The following UMAD1 variants were observed in gnomAD, a reference collection of about 807,000 sequenced individuals.
UMAD1 encodes the protein UBAP1-MVB12-associated (UMA)-domain containing protein 1.
UMAD1 carries 8 observed loss-of-function variants against 6.1 expected under a neutral mutation model. That is an observed-to-expected ratio of 1.30 (90% CI 0.76 to 2.35). The LOEUF (loss-of-function observed/expected upper bound fraction) is 2.35. Among genes scored for constraint, UMAD1 ranks in the 30% most tolerant of loss-of-function variants. The pLI is 0.00. For synonymous variants in UMAD1, 56 were observed against 31.4 expected, an observed-to-expected ratio of 1.78 and a Z score of -2.61; for missense variants, 130 against 78.4, an observed-to-expected ratio of 1.66 and a Z score of -2.49.
chr7:7,860,307 GT>G (rs1237448791), intron 3 of UMAD1, among the ~76,000 whole-genome samples: 1 of 152,032 alleles, frequency 6.6e-6, no homozygotes, highest in Non-Finnish European at 1.5e-5. Context: ...ACCCAAATAA[GT>G]TTATAATTCA....
At chr7:7,643,435 G>T (rs924185757) in intron 1 of UMAD1, among the ~76,000 whole-genome samples, 11 of 152,246 alleles carry the variant, frequency 7.2e-5, no homozygotes, top group Admixed American at 6.5e-5. Flanking sequence ...TCAGGGCCGG[G>T]CGCGGTGGCT....
intron 3 of UMAD1, among the ~76,000 whole-genome samples, chr7:7,867,136 G>C (rs1043644632): frequency 4.6e-5 from 7 of 152,148 alleles, no homozygotes; most frequent in Non-Finnish European, 7.4e-5. Flanking sequence ...TTTGAGGTAA[G>C]GTTAAGGTAA....
chr7:7,838,142 C>T lies in UMAD1; in HGVS notation c.156+36399C>T, dbSNP rs113613163. On this transcript the variant is annotated intron_variant, in intron 3 of 3. Coordinates refer to ENST00000682710, the MANE Select transcript of UMAD1 (RefSeq NM_001302348.2). ...TTGATTTATTGAATAAACCAGGGAT[C>T]AGCAAACATTTTCTGAAAGAGAGGC... Among the ~76,000 whole-genome samples the T allele has an allele frequency of 1.3e-4, 20 of 151,578 alleles. 2 individuals are homozygous for T. The highest frequency in any genetic ancestry group is 4.6e-4 in the African/African-American group (19 of 41,016).
At chr7:7,665,167 C>T (rs923228711) in intron 1 of UMAD1, among the ~76,000 whole-genome samples, 8 of 151,988 alleles carry the variant, frequency 5.3e-5, no homozygotes, top group African/African-American at 1.9e-4. Context: ...TTGAGAAAAC[C>T]ATGTTGCCTA....
At chr7:7,820,111 A>G (rs370475634) in intron 3 of UMAD1, among the ~76,000 whole-genome samples, 2 of 152,194 alleles carry the variant, frequency 1.3e-5, no homozygotes, top group East Asian at 3.8e-4. Context: ...AATTAACCAA[A>G]TGAATCAGTT....
chr7:7,827,122 G>GAT (rs112036833), intron 3 of UMAD1, among the ~76,000 whole-genome samples: 3,345 of 140,214 alleles, frequency 0.024, 51 homozygotes, highest in Middle Eastern at 0.039. Flanking sequence ...CACAGTCCAG[G>GAT]ATATATATAT....
At chr7:7,797,876 A>G (rs1008695862) in intron 2 of UMAD1, among the ~76,000 whole-genome samples, 1 of 151,996 alleles carries the variant, frequency 6.6e-6, no homozygotes, top group African/African-American at 2.4e-5. Context: ...TTTGTTAGAG[A>G]TGGTTTCACC....
rs142198907 is a variant in UMAD1 at position 7,699,226 on chromosome 7, A to G, written c.82+25773A>G. Among the ~76,000 whole-genome samples, 755 of 152,218 alleles carry G rather than the reference A, an allele frequency of 5.0e-3. 7 individuals carry two copies. Among genetic ancestry groups the G allele is most frequent in the African/African-American group, 0.017 (720 of 41,538 alleles). ...TGCCAGAACAGAATTCTGAGAATGCATTTGTGTTTTTCCTTCTTATCAGAC... is the reference window on the plus strand; with the variant it reads ...TGCCAGAACAGAATTCTGAGAATGCGTTTGTGTTTTTCCTTCTTATCAGAC... On this transcript the variant is annotated intron_variant, in intron 2 of 3. Coordinates refer to ENST00000682710, the MANE Select transcript of UMAD1 (RefSeq NM_001302348.2).
rs544198311 is a variant in UMAD1 at position 7,831,088 on chromosome 7, T to C, written c.156+29345T>C. 2.0e-5 allele frequency among the ~76,000 whole-genome samples: 3 copies of C among 152,332 alleles called. No individual in the cohort carries two copies. The South Asian group carries it at 6.2e-4, about 32-fold the overall frequency. On this transcript the variant is annotated intron_variant, in intron 3 of 3. Transcript: ENST00000682710. ...ATGCATTTATAAGGAAAATTATTTG[T>C]ATGAAGTTAGATATTCTTGGCTAGT...
At chr7:7,654,568 C>T (rs760051511) in intron 1 of UMAD1, among the ~76,000 whole-genome samples, 9 of 152,194 alleles carry the variant, frequency 5.9e-5, no homozygotes, top group Non-Finnish European at 1.3e-4. Context: ...TGCTTTATCC[C>T]TAAATTCCTT....
chr7:7,645,625 C>A (rs1004159763), intron 1 of UMAD1, among the ~76,000 whole-genome samples: 5 of 152,066 alleles, frequency 3.3e-5, no homozygotes, highest in African/African-American at 1.2e-4. Context: ...CCTTCTATTC[C>A]TAGTTTGATA....
At chr7:7,653,499 G>A (rs1017978932) in intron 1 of UMAD1, among the ~76,000 whole-genome samples, 2 of 151,906 alleles carry the variant, frequency 1.3e-5, no homozygotes, top group African/African-American at 4.8e-5. Context: ...CACATGTATA[G>A]CATTACAAAA....
rs1430273409 is a variant in UMAD1, at chr7:7,698,411, GT to G, written c.82+24959del. Among the ~76,000 whole-genome samples, 14 of 152,204 alleles carry G rather than the reference GT, an allele frequency of 9.2e-5. 1 individual carries two copies. The highest frequency in any genetic ancestry group is 8.5e-4 in the Admixed American group (13 of 15,282). Reference sequence around the variant, plus strand: ...AACTGGTAGAAGTTTTGATTGAGAAGTAGCTGTAAGTTGACTTTCAGTGTTT... The same window carrying G: ...AACTGGTAGAAGTTTTGATTGAGAAGAGCTGTAAGTTGACTTTCAGTGTTT... On this transcript the variant is annotated intron_variant, in intron 2 of 3. Coordinates refer to ENST00000682710, the MANE Select transcript of UMAD1 (RefSeq NM_001302348.2).
At chr7:7,699,880 A>G (rs1780414854) in intron 2 of UMAD1, among the ~76,000 whole-genome samples, 1 of 152,238 alleles carries the variant, frequency 6.6e-6, no homozygotes, top group African/African-American at 2.4e-5. Context: ...TACTGTTTAT[A>G]TAAGTGGAAA....
chr7:7,698,391 G>A (rs920532175), intron 2 of UMAD1, among the ~76,000 whole-genome samples: 6 of 152,168 alleles, frequency 3.9e-5, no homozygotes, highest in African/African-American at 1.4e-4. Context: ...AACCAAACTG[G>A]TAGAAGTTTT....
chr7:7,714,974 C>T (rs1048239532), intron 2 of UMAD1, among the ~76,000 whole-genome samples: 1 of 150,036 alleles, frequency 6.7e-6, no homozygotes, highest in Non-Finnish European at 1.5e-5. Flanking sequence ...CAAAAAACTA[C>T]AGAGGAATTA....
chr7:7,730,336 C>T (rs1160614313), intron 2 of UMAD1, among the ~76,000 whole-genome samples: 4 of 152,162 alleles, frequency 2.6e-5, no homozygotes, highest in Admixed American at 2.6e-4. Flanking sequence ...ACGTTTTAGA[C>T]ACTCCCCAGG....
chr7:7,876,518 A>G (rs1387128295), intron 3 of UMAD1, among the ~76,000 whole-genome samples: 2 of 152,154 alleles, frequency 1.3e-5, no homozygotes, highest in Non-Finnish European at 2.9e-5. Context: ...ATTTCAGTTT[A>G]TTATCCATTC....
At chr7:7,713,925 C>G (rs1032317916) in intron 2 of UMAD1, among the ~76,000 whole-genome samples, 1 of 152,150 alleles carries the variant, frequency 6.6e-6, no homozygotes, top group African/African-American at 2.4e-5. Flanking sequence ...GCCTCGACCT[C>G]CTAGTCTCAA....
Sources: allele counts gnomAD v4.1 joint callset (sites outside exome capture counted in the v4.1 genomes callset), GRCh38; gene constraint gnomAD v4.1.1; transcripts MANE v1.5; gene names NCBI Gene and HGNC (gene_info 2026-07-23, HGNC 2026-07-21).